Variants in CCDC146 observed in about 807,000 individuals in gnomAD.
The protein encoded by CCDC146 is coiled-coil domain containing 146, also known as coiled-coil domain-containing protein 146.
A neutral mutation model predicts 119.3 loss-of-function variants in CCDC146; 92 were observed. That is an observed-to-expected ratio of 0.77 (90% CI 0.65 to 0.92). The LOEUF is 0.92. Ranked by LOEUF, CCDC146 falls within the 40% of genes least tolerant of loss-of-function variation. The probability of loss-of-function intolerance (pLI) is 0.00; values close to 1 mark genes in which losing one functional copy is unlikely to be tolerated. For missense variants in CCDC146, 1,000 were observed against 1,103.0 expected (o/e 0.91, Z 1.32); for synonymous variants, 372 against 371.8 (o/e 1.00, Z -0.01).
At chr7:77,259,939 AGTGTGTGT>A (rs58669153) in intron 7 of CCDC146, 62 bp from the exon 8 acceptor site, 26,452 of 752,076 alleles carry the variant, frequency 0.035, 475 homozygotes, top group African/African-American at 0.058. Context: ...AAATAAGGCA[AGTGTGTGT>A]GTGTGTGTGT....
chr7:77,243,519 G>T (rs1206876306), intron 4 of CCDC146, among the ~76,000 whole-genome samples: 7 of 152,210 alleles, frequency 4.6e-5, no homozygotes, highest in Non-Finnish European at 7.3e-5. Flanking sequence ...AACATATTTA[G>T]TATCACAGTC....
chr7:77,142,903 G>T lies in CCDC146; in HGVS notation c.-12+20171G>T, dbSNP rs561416302. On this transcript the variant is annotated intron_variant, in intron 1 of 18. Transcript: ENST00000285871. ...TGTGCATGTGTCTTTATAGCAGCAT[G>T]ATTTATAATCCTTTGGGTATATACC... 2.6e-5 allele frequency among the ~76,000 whole-genome samples: 4 copies of T among 151,988 alleles called. No homozygotes were observed. The East Asian group carries it at 7.7e-4, about 29-fold the overall frequency.
intron 2 of CCDC146, among the ~76,000 whole-genome samples, chr7:77,225,812 G>A (rs900361080): frequency 7.2e-5 from 11 of 151,934 alleles, no homozygotes; most frequent in African/African-American, 2.7e-4. Flanking sequence ...GCATGGTGGC[G>A]GGCACCTGTA....
rs1483183330 is a variant in CCDC146 at position 77,278,816 on chromosome 7, A to C, written c.1505A>C (p.Lys502Thr). Residue 502 changes from lysine to threonine, a missense_variant, in exon 12 of 19, where the codon AAG (lysine) becomes ACG (threonine). By Grantham distance (78) the Lys-to-Thr change is moderately conservative (BLOSUM62 -1). This residue lies in a region of CCDC146 where 985 missense variants were observed against 1,045.3 expected (regional missense o/e 0.94). Transcript: ENST00000285871. The stretch of plus-strand genomic sequence containing the variant: ...GATCTTGAAATCAGGATACACAAGA[A>C]GAAAAAATGTGAAATTTATCGGAGG... ...AKDLEIRIHK[K>T]KKCEIYRRLR... 6.2e-7 allele frequency: 1 copy of C among 1,612,890 alleles called. No homozygotes were observed. Among genetic ancestry groups the C allele is most frequent in the East Asian group, 2.2e-5 (1 of 44,844 alleles).
chr7:77,233,080 T>A (rs1020353593), intron 2 of CCDC146, among the ~76,000 whole-genome samples: 4 of 132,938 alleles, frequency 3.0e-5, no homozygotes, highest in African/African-American at 8.5e-5. Flanking sequence ...ATGCTTCTTT[T>A]GTTTCTTTTG....
chr7:77,199,529 C>A (rs766309139), intron 2 of CCDC146: 1 of 1,614,118 alleles, frequency 6.2e-7, no homozygotes, highest in Non-Finnish European at 8.5e-7. Context: ...AGACTATTTA[C>A]GATTTCCTTG....
chr7:77,276,220 AAAAG>A (rs1253961311), intron 11 of CCDC146, among the ~76,000 whole-genome samples: 2 of 151,406 alleles, frequency 1.3e-5, no homozygotes, highest in Non-Finnish European at 2.9e-5. Flanking sequence ...ATAAAAAAAA[AAAAG>A]AATTTATCTC....
At chr7:77,231,301 A>C (rs1020590933) in intron 2 of CCDC146, among the ~76,000 whole-genome samples, 2 of 152,256 alleles carry the variant, frequency 1.3e-5, no homozygotes, top group African/African-American at 4.8e-5. Flanking sequence ...GAAGCCATAA[A>C]GTGCTTTCTT....
In CCDC146 at chr7:77,294,793, C is replaced by T. The variant is rs766229608; in HGVS notation, c.2795C>T (p.Pro932Leu). The change falls in exon 19 of 19, where the codon CCT becomes CTT. Residue 932 changes from proline (P) to leucine (L), a missense_variant. Pro to Leu is a moderately conservative substitution (Grantham distance 98). Transcript: ENST00000285871. The part of the protein sequence containing the change: ...PLPKPYGALA[P>L]FKPSEPGANM... The stretch of plus-strand genomic sequence containing the variant: ...CCAAAACCTTATGGTGCTTTGGCTC[C>T]TTTTAAACCCAGTGAACCTGGAGCC... 6.2e-7 allele frequency: 1 copy of T among 1,614,118 alleles called. No homozygotes were observed. Among genetic ancestry groups the T allele is most frequent in the Admixed American group, 1.7e-5 (1 of 60,006 alleles).
chr7:77,199,426 C>T (rs1342098236), intron 2 of CCDC146: 1 of 1,614,166 alleles, frequency 6.2e-7, no homozygotes, highest in South Asian at 1.1e-5. Flanking sequence ...ACCAACCTCT[C>T]CCGGGGCTCC....
chr7:77,178,461 C>T (rs1328220430), intron 2 of CCDC146, among the ~76,000 whole-genome samples: 2 of 152,124 alleles, frequency 1.3e-5, no homozygotes, highest in Non-Finnish European at 1.5e-5. Flanking sequence ...GGGAGGAAAA[C>T]GCAGCAGTGG....
chr7:77,213,821 A>AT (rs1467381793), intron 2 of CCDC146, among the ~76,000 whole-genome samples: 3 of 152,182 alleles, frequency 2.0e-5, no homozygotes, highest in Non-Finnish European at 4.4e-5. Context: ...TTATGACTGC[A>AT]TAGTATTCCA....
Position 77,237,022 on chromosome 7 carries a change from G to A in CCDC146, c.232G>A (p.Val78Met), listed in dbSNP as rs780317837. ...CAAGTATACCTTGCTGCATGACGCC[G>A]TGATGAGGTATGCAATTTACCAATA... ...KAKYTLLHDA[V>M]MSTQESEVQL... The change falls in exon 3 of 19, where the codon GTG (valine) becomes ATG (methionine). Residue 78 changes from valine to methionine, a missense_variant. Physicochemically the swap from Val to Met is conservative, Grantham distance 21. Transcript: ENST00000285871. The A allele has an allele frequency of 1.9e-5, 31 of 1,613,400 alleles. No homozygotes were observed. Among genetic ancestry groups the A allele is most frequent in the South Asian group, 9.9e-5 (9 of 91,070 alleles).
intron 1 of CCDC146, among the ~76,000 whole-genome samples, chr7:77,154,495 C>G (rs1286476768): frequency 1.3e-5 from 2 of 149,558 alleles, no homozygotes; most frequent in African/African-American, 5.0e-5. Context: ...GTGATGTTCC[C>G]CTTCCTGTGT....
At chr7:77,290,323 A>G (rs1470546550) in intron 17 of CCDC146, among the ~76,000 whole-genome samples, 1 of 152,114 alleles carries the variant, frequency 6.6e-6, no homozygotes, top group African/African-American at 2.4e-5. Flanking sequence ...ACATGTATAC[A>G]TATGTAACAA....
At chr7:77,149,464 T>A (rs929324880) in intron 1 of CCDC146, among the ~76,000 whole-genome samples, 1 of 152,178 alleles carries the variant, frequency 6.6e-6, no homozygotes, top group Non-Finnish European at 1.5e-5. Flanking sequence ...TTATAATACC[T>A]AATTTTAAGA....
At position 77,210,150 on chromosome 7, in the gene CCDC146, C is replaced by A. The variant is rs546922646; in HGVS notation, c.157-26797C>A. Among the ~76,000 whole-genome samples the A allele has an allele frequency of 2.0e-5, 3 of 152,322 alleles. No homozygotes were observed. In the South Asian group the frequency reaches 6.2e-4, roughly 32 times the overall value. On this transcript the variant is annotated intron_variant, in intron 2 of 18. Coordinates refer to ENST00000285871, the MANE Select transcript of CCDC146 (RefSeq NM_020879.3). ...TAGTCAGCCTGCAAATTTTCTAAACCTTTATGCTCTTCTTCCCTTTTAAAT... is the reference window on the plus strand; with the variant it reads ...TAGTCAGCCTGCAAATTTTCTAAACATTTATGCTCTTCTTCCCTTTTAAAT...
At chr7:77,226,972 T>C (rs1377963389) in intron 2 of CCDC146, among the ~76,000 whole-genome samples, 3 of 152,268 alleles carry the variant, frequency 2.0e-5, no homozygotes, top group Non-Finnish European at 2.9e-5. Flanking sequence ...TGATTTTTTA[T>C]GTTTAAGGCA....
At chr7:77,197,121 C>A (rs3093277) in intron 2 of CCDC146, 19,187 of 624,036 alleles carry the variant, frequency 0.031, 1,367 homozygotes, top group African/African-American at 0.21. Context: ...TTACTTGAAC[C>A]TGTTTAGCAA....
Sources: gnomAD v4.1 joint callset for allele counts (sites outside exome capture counted in the v4.1 genomes callset) on GRCh38, gnomAD v4.1.1 for gene constraint, gnomAD v4.1.1 regional missense constraint, MANE v1.5 for transcripts, NCBI Gene and HGNC (gene_info 2026-07-23, HGNC 2026-07-21) for gene names.